STAM: variants seen among roughly 807,000 people sequenced by gnomAD.
The protein encoded by STAM is signal transducing adaptor molecule.
Under a neutral mutation model 63.4 loss-of-function variants are expected in STAM, and 16 were observed. The ratio of observed to expected loss-of-function variants is 0.25; its 90% CI spans 0.17 to 0.38. STAM has a LOEUF of 0.38. Among genes scored for constraint, STAM ranks in the 10% least tolerant of loss-of-function variants. STAM has a pLI of 1.00. For synonymous variants in STAM, 238 were observed against 223.9 expected, an observed-to-expected ratio of 1.06 and a Z score of -0.56; for missense variants, 636 against 657.1, an observed-to-expected ratio of 0.97 and a Z score of 0.35.
chr10:17,661,010 TTA>T (rs1554822831), intron 2 of STAM, among the ~76,000 whole-genome samples: 1 of 152,208 alleles, frequency 6.6e-6, no homozygotes, highest in African/African-American at 2.4e-5. Flanking sequence ...TCATGGTTAT[TTA>T]TGAGTTCTTT....
At chr10:17,681,629 T>A (rs1042030470) in intron 2 of STAM, among the ~76,000 whole-genome samples, 1 of 152,204 alleles carries the variant, frequency 6.6e-6, no homozygotes, top group South Asian at 2.1e-4. Flanking sequence ...ATCTGATGAT[T>A]TAATATTTTG....
Position 17,714,786 on chromosome 10 carries a change from G to C in STAM, c.*6G>C. On this transcript the variant is annotated 3_prime_UTR_variant, in exon 14 of 14. Coordinates refer to ENST00000377524, the MANE Select transcript of STAM (RefSeq NM_003473.4). ...CTCAGAAGGCTCTGCTATAGGACCC[G>C]GTGTTCCTCTTGGTGGCAGATACCT... 6.2e-7 allele frequency: 1 copy of C among 1,612,878 alleles called. No individual in the cohort carries two copies. Among genetic ancestry groups the C allele is most frequent in the Non-Finnish European group, 8.5e-7 (1 of 1,178,944 alleles).
chr10:17,670,780 C>T (rs1184047890), intron 2 of STAM, among the ~76,000 whole-genome samples: 1 of 123,934 alleles, frequency 8.1e-6, no homozygotes, highest in Non-Finnish European at 1.8e-5. Context: ...TCCATTATCT[C>T]ATAAGAAATG....
At chr10:17,675,261 TG>T (rs542750416) in intron 2 of STAM, among the ~76,000 whole-genome samples, 1 of 152,308 alleles carries the variant, frequency 6.6e-6, no homozygotes, top group Non-Finnish European at 1.5e-5. Context: ...TCCAGCCCTT[TG>T]GGAGGCCAAG....
At chr10:17,685,747 ACT>A (rs1835269108) in intron 4 of STAM, among the ~76,000 whole-genome samples, 1 of 152,090 alleles carries the variant, frequency 6.6e-6, no homozygotes. Flanking sequence ...GGGACAAGGC[ACT>A]CTGTTTTTCT....
At chr10:17,669,884 C>CTTTTTT (rs76381388) in intron 2 of STAM, among the ~76,000 whole-genome samples, 174 of 120,702 alleles carry the variant, frequency 1.4e-3, no homozygotes, top group Non-Finnish European at 1.8e-3. Flanking sequence ...CTTTTCTTTT[C>CTTTTTT]TTTTTTTTTT....
intron 2 of STAM, among the ~76,000 whole-genome samples, chr10:17,680,416 C>A (rs1296624570): frequency 4.2e-5 from 6 of 142,284 alleles, no homozygotes; most frequent in Admixed American, 4.2e-4. Flanking sequence ...TTTGACTACT[C>A]TTTTTTTTTT....
chr10:17,678,819 A>C (rs1482427609), intron 2 of STAM, among the ~76,000 whole-genome samples: 1 of 151,948 alleles, frequency 6.6e-6, no homozygotes, highest in South Asian at 2.1e-4. Flanking sequence ...ACTTTTTTCT[A>C]TGTTCTATCT....
At chr10:17,702,122 G>A (rs989915727) in intron 9 of STAM, among the ~76,000 whole-genome samples, 2 of 152,058 alleles carry the variant, frequency 1.3e-5, no homozygotes, top group Non-Finnish European at 2.9e-5. Flanking sequence ...AATAGAACTG[G>A]TGCTGAATCC....
In STAM at chr10:17,714,940, C is replaced by G; in HGVS notation, c.*160C>G. On this transcript the variant is annotated 3_prime_UTR_variant, in exon 14 of 14. Transcript: ENST00000377524. ...AAGGTAGAACTCTCCTCAATTTACA[C>G]TGACTTTTTAGAGGTTCTTCCCCCC... is the stretch of plus-strand genomic sequence containing the variant. The G allele has an allele frequency of 2.9e-6, 2 of 701,140 alleles. No individual in the cohort carries two copies. Among genetic ancestry groups the G allele is most frequent in the Middle Eastern group, 4.0e-4 (1 of 2,486 alleles). 43.4% of individuals were successfully genotyped at this position (701,140 alleles called of 1,614,324 possible).
intron 11 of STAM, among the ~76,000 whole-genome samples, 200 bp downstream of exon 11, chr10:17,705,224 T>C (rs1259712249): frequency 6.6e-6 from 1 of 152,214 alleles, no homozygotes; most frequent in East Asian, 1.9e-4. Flanking sequence ...ACCTTTGCAA[T>C]ATAGTCAAAA....
At chr10:17,704,273 C>A (rs1052488602) in intron 9 of STAM, among the ~76,000 whole-genome samples, 158 bp from the exon 10 acceptor site, 26 of 152,070 alleles carry the variant, frequency 1.7e-4, no homozygotes, top group African/African-American at 6.3e-4. Context: ...TCATGCAGTA[C>A]TAGAGAGAAT....
chr10:17,690,471 G>A (rs1835483969), intron 5 of STAM, among the ~76,000 whole-genome samples: 1 of 152,120 alleles, frequency 6.6e-6, no homozygotes, highest in African/African-American at 2.4e-5. Flanking sequence ...TACATATAAA[G>A]TAAAATATGA....
chr10:17,701,441 A>C (rs1835990540), intron 9 of STAM, among the ~76,000 whole-genome samples: 2 of 152,210 alleles, frequency 1.3e-5, no homozygotes, highest in South Asian at 4.1e-4. Flanking sequence ...GCAAACTCTT[A>C]GGCCAAATTT....
intron 1 of STAM, among the ~76,000 whole-genome samples, chr10:17,655,241 C>G (rs1407592107): frequency 2.6e-5 from 4 of 152,176 alleles, no homozygotes; most frequent in African/African-American, 9.7e-5. Flanking sequence ...GACTAGAAGG[C>G]TATTCCATTT....
intron 7 of STAM, among the ~76,000 whole-genome samples, 181 bp downstream of exon 7, chr10:17,695,422 T>C (rs1315467816): frequency 5.9e-5 from 9 of 152,194 alleles, no homozygotes; most frequent in Non-Finnish European, 1.2e-4. Flanking sequence ...TGTTGTTTAA[T>C]TTTTTTCTTA....
At position 17,695,087 on chromosome 10, in the gene STAM, A is replaced by T; in HGVS notation, c.574A>T (p.Thr192Ser). The T allele has an allele frequency of 1.2e-6, 2 of 1,614,050 alleles. No individual in the cohort carries two copies. The highest frequency in any genetic ancestry group is 4.5e-5 in the East Asian group (2 of 44,860). The change falls in exon 7 of 14, where the codon ACC becomes TCC. Residue 192 changes from threonine to serine, a missense_variant. Transcript: ENST00000377524. ...LSLKEQRQQS[T>S]TLSTLYPSTS... ...TCTCAAGGAACAAAGGCAGCAGTCA[A>T]CCACCCTTTCCACTTTGTATCCAAG...
At chr10:17,650,307 A>G (rs1276915592) in intron 1 of STAM, among the ~76,000 whole-genome samples, 2 of 152,230 alleles carry the variant, frequency 1.3e-5, no homozygotes, top group Non-Finnish European at 2.9e-5. Context: ...GTAAATAGGG[A>G]TAGCAATATC....
chr10:17,667,387 G>A (rs1220233949), intron 2 of STAM, among the ~76,000 whole-genome samples: 2 of 152,108 alleles, frequency 1.3e-5, no homozygotes, highest in African/African-American at 4.8e-5. Context: ...CTCCCAAAGT[G>A]CTGGTATTAC....
Sources: allele counts gnomAD v4.1 joint callset (sites outside exome capture counted in the v4.1 genomes callset), GRCh38; gene constraint gnomAD v4.1.1; transcripts MANE v1.5; gene names NCBI Gene and HGNC (gene_info 2026-07-23, HGNC 2026-07-21).